The following MDGA2 variants were observed in gnomAD, a reference collection of about 807,000 sequenced individuals.
MDGA2 encodes the protein MAM domain containing glycosylphosphatidylinositol anchor 2.
MDGA2 carries 40 observed loss-of-function variants against 117.8 expected under a neutral mutation model. The observed-to-expected ratio is 0.34, with a 90% CI of 0.26 to 0.44. The LOEUF (loss-of-function observed/expected upper bound fraction) is 0.44, where lower values mean the gene tolerates loss of function less well. Among genes scored for constraint, MDGA2 ranks in the 20% least tolerant of loss-of-function variants. The pLI, the probability that MDGA2 is intolerant of heterozygous loss-of-function variation, is 1.00. For missense variants in MDGA2, 1,123 were observed against 1,250.6 expected (o/e 0.90, Z 1.54); for synonymous variants, 452 against 439.0 (o/e 1.03, Z -0.37).
At chr14:47,274,833 T>C (rs1405831956) in intron 2 of MDGA2, among the ~76,000 whole-genome samples, 1 of 152,154 alleles carries the variant, frequency 6.6e-6, no homozygotes. Context: ...GAGCATGTAT[T>C]TTACGCACTT....
chr14:47,343,254 C>T, intron 1 of MDGA2: 1 of 1,144,510 alleles, frequency 8.7e-7, no homozygotes, highest in Non-Finnish European at 1.1e-6. Flanking sequence ...TTATCGAATT[C>T]CGGGCATTGT....
chr14:47,026,774 T>C (rs574608224), intron 8 of MDGA2, among the ~76,000 whole-genome samples: 3 of 152,226 alleles, frequency 2.0e-5, no homozygotes, highest in African/African-American at 7.2e-5. Context: ...TATTTATATA[T>C]GTGTTTATGT....
intron 1 of MDGA2, among the ~76,000 whole-genome samples, chr14:47,545,729 A>G (rs1290496611): frequency 6.6e-6 from 1 of 152,152 alleles, no homozygotes; most frequent in East Asian, 1.9e-4. Context: ...AACATCAAGT[A>G]TTTAATAATG....
At chr14:46,955,284 C>T (rs1483651130) in intron 9 of MDGA2, among the ~76,000 whole-genome samples, 2 of 151,866 alleles carry the variant, frequency 1.3e-5, no homozygotes, top group Non-Finnish European at 2.9e-5. Context: ...GCTACCTTAA[C>T]CTTTAGAACT....
intron 1 of MDGA2, among the ~76,000 whole-genome samples, chr14:47,503,127 A>G (rs1241060718): frequency 6.6e-6 from 1 of 152,204 alleles, no homozygotes; most frequent in African/African-American, 2.4e-5. Context: ...TTTCTCCATT[A>G]TAGTATGGAC....
intron 7 of MDGA2, among the ~76,000 whole-genome samples, chr14:47,040,472 C>T (rs1594556195): frequency 1.3e-5 from 2 of 152,122 alleles, no homozygotes; most frequent in East Asian, 3.9e-4. Context: ...ATGAAAACTT[C>T]ACATTTTATA....
chr14:47,543,710 G>C (rs1323646359), intron 1 of MDGA2, among the ~76,000 whole-genome samples: 1 of 152,146 alleles, frequency 6.6e-6, no homozygotes, highest in Non-Finnish European at 1.5e-5. Flanking sequence ...ATCTAATCTA[G>C]TCACCAGACT....
chr14:47,242,080 TAA>T lies in MDGA2; in HGVS notation c.421-23887_421-23886del, dbSNP rs963553424. Among the ~76,000 whole-genome samples the T allele has an allele frequency of 2.6e-5, 4 of 151,896 alleles. 1 individual carries two copies. The highest frequency in any genetic ancestry group is 9.7e-5 in the African/African-American group (4 of 41,416). Reference sequence around the variant, plus strand: ...TTCCCTGGCACTTAATAAAACCTACTAAGTGTCTTATCCTAATAACCTATGAA... The same window carrying T: ...TTCCCTGGCACTTAATAAAACCTACTGTGTCTTATCCTAATAACCTATGAA... On this transcript the variant is annotated intron_variant, in intron 2 of 16. Coordinates refer to ENST00000399232, the MANE Select transcript of MDGA2 (RefSeq NM_001113498.3).
At chr14:47,339,037 G>A (rs1426547458) in intron 1 of MDGA2, among the ~76,000 whole-genome samples, 1 of 152,010 alleles carries the variant, frequency 6.6e-6, no homozygotes, top group Non-Finnish European at 1.5e-5. Flanking sequence ...AGAAAAAAAT[G>A]TGTCTATTTT....
intron 2 of MDGA2, among the ~76,000 whole-genome samples, chr14:47,283,204 CAT>C (rs1471335288): frequency 2.0e-5 from 3 of 151,912 alleles, no homozygotes; most frequent in African/African-American, 7.3e-5. Flanking sequence ...GAGAGGAAAA[CAT>C]ATTGAGGGAA....
chr14:47,575,405 A>G (rs1234354127), intron 1 of MDGA2, among the ~76,000 whole-genome samples: 1 of 152,172 alleles, frequency 6.6e-6, no homozygotes, highest in Non-Finnish European at 1.5e-5. Flanking sequence ...TAATTCTATC[A>G]AAAGCATAAA....
At chr14:47,176,104 G>T (rs1884432113) in intron 3 of MDGA2, among the ~76,000 whole-genome samples, 1 of 152,060 alleles carries the variant, frequency 6.6e-6, no homozygotes, top group Admixed American at 6.6e-5. Flanking sequence ...GGATGTGAAG[G>T]ACCTCTTCAA....
chr14:47,671,360 G>A (rs1333896530), intron 1 of MDGA2, among the ~76,000 whole-genome samples: 1 of 152,164 alleles, frequency 6.6e-6, no homozygotes, highest in African/African-American at 2.4e-5. Context: ...TAATCCATGT[G>A]TTACAGCAAA....
chr14:47,007,252 T>G (rs1245149745), intron 8 of MDGA2, among the ~76,000 whole-genome samples: 1 of 151,742 alleles, frequency 6.6e-6, no homozygotes, highest in African/African-American at 2.4e-5. Flanking sequence ...ACAAGCAGAG[T>G]AATAAATATC....
intron 1 of MDGA2, among the ~76,000 whole-genome samples, chr14:47,336,059 C>T (rs566247541): frequency 5.9e-5 from 9 of 151,704 alleles, no homozygotes; most frequent in Non-Finnish European, 1.0e-4. Context: ...AGAAAGAATT[C>T]GATAAAGACT....
At chr14:47,431,102 T>C (rs1478065969) in intron 1 of MDGA2, among the ~76,000 whole-genome samples, 1 of 152,062 alleles carries the variant, frequency 6.6e-6, no homozygotes, top group Non-Finnish European at 1.5e-5. Flanking sequence ...TGTGATTGAA[T>C]AGGTTCATTC....
intron 8 of MDGA2, among the ~76,000 whole-genome samples, chr14:47,003,457 T>G (rs544770623): frequency 6.6e-6 from 1 of 152,198 alleles, no homozygotes; most frequent in South Asian, 2.1e-4. Flanking sequence ...CATCGCCTAT[T>G]CATACCCTCC....
At chr14:47,318,064 A>G (rs142356097) in intron 1 of MDGA2, among the ~76,000 whole-genome samples, 9 of 152,210 alleles carry the variant, frequency 5.9e-5, no homozygotes, top group African/African-American at 2.2e-4. Flanking sequence ...CATCTTTGCC[A>G]TTCTCATGCC....
chr14:47,546,267 T>C (rs1316068587), intron 1 of MDGA2, among the ~76,000 whole-genome samples: 2 of 152,136 alleles, frequency 1.3e-5, no homozygotes, highest in Non-Finnish European at 2.9e-5. Flanking sequence ...AAATAGAGAC[T>C]AATAAGATAC....
Sources: allele counts gnomAD v4.1 joint callset (sites outside exome capture counted in the v4.1 genomes callset), GRCh38; gene constraint gnomAD v4.1.1; transcripts MANE v1.5; gene names NCBI Gene and HGNC (gene_info 2026-07-23, HGNC 2026-07-21).